Variants in SOX5 observed in about 807,000 individuals in gnomAD.
The protein encoded by SOX5 is SRY-box transcription factor 5.
Under a neutral mutation model 92.0 loss-of-function variants are expected in SOX5, and 9 were observed. That is an observed-to-expected ratio of 0.10 (90% CI 0.06 to 0.17). SOX5 has a LOEUF of 0.17. Ranked by LOEUF, SOX5 falls within the 10% of genes least tolerant of loss-of-function variation. SOX5 has a pLI of 1.00. For missense variants in SOX5, 642 were observed against 944.5 expected, an observed-to-expected ratio of 0.68 and a Z score of 4.20; for synonymous variants, 344 against 336.3, an observed-to-expected ratio of 1.02 and a Z score of -0.25.
At position 23,532,282 on chromosome 12, in the gene SOX5, TGAGA is replaced by T. The variant is rs906052856; in HGVS notation, c.*1933_*1936del. 1 of 151,982 alleles carries T rather than the reference TGAGA, an allele frequency of 6.6e-6. No individual in the cohort carries two copies. Among genetic ancestry groups the T allele is most frequent in the Non-Finnish European group, 1.5e-5 (1 of 67,986 alleles). The allele number at this position is 151,982 out of a possible 1,614,324, so 9.4% of individuals were successfully genotyped here. A position where few individuals can be genotyped will look rare whatever the true frequency, so the allele number is the denominator to read the frequency against. On this transcript the variant is annotated 3_prime_UTR_variant, in exon 15 of 15. Transcript: ENST00000451604. ...AAGCAAAACCCCAGAGCAAGTCTTC[TGAGA>T]GAGAGAAAAATAAAAGGGATTCTTT...
chr12:23,755,663 T>A lies in SOX5; in HGVS notation c.543A>T (p.Gly181=). Residue 181 remains glycine (G), a synonymous_variant, in exon 4 of 15, where the codon GGA becomes GGT. Transcript: ENST00000451604. ...CTTTTATTTCGCCAAAGTTCCCCGA[T>A]CCCATTGCAAGAAGCTTGTCTTTCC... ...KDWKDKLLAM[G]SGNFGEIKGT... is the part of the protein sequence containing the mutation. 1 of 1,592,002 alleles carries A rather than the reference T, an allele frequency of 6.3e-7. No individual in the cohort carries two copies. Among genetic ancestry groups the A allele is most frequent in the Non-Finnish European group, 8.5e-7 (1 of 1,170,156 alleles).
chr12:23,991,964 A>T (rs894438003), intron 4 of SOX5, among the ~76,000 whole-genome samples: 1 of 152,124 alleles, frequency 6.6e-6, no homozygotes, highest in African/African-American at 2.4e-5. Flanking sequence ...AGCAATATGA[A>T]ATCTTATACT....
intron 4 of SOX5, among the ~76,000 whole-genome samples, chr12:24,138,470 G>A (rs965999968): frequency 2.6e-5 from 4 of 152,198 alleles, no homozygotes; most frequent in Non-Finnish European, 4.4e-5. Context: ...TGCTAACATA[G>A]CCAGTGGTGT....
At chr12:23,597,227 G>A (rs2137291642) in intron 9 of SOX5, among the ~76,000 whole-genome samples, 1 of 152,322 alleles carries the variant, frequency 6.6e-6, no homozygotes, top group Non-Finnish European at 1.5e-5. Flanking sequence ...GCCCAGGCTG[G>A]TAAAATTCAA....
chr12:23,929,020 G>T (rs1193269551), intron 1 of SOX5, among the ~76,000 whole-genome samples: 1 of 150,920 alleles, frequency 6.6e-6, no homozygotes, highest in African/African-American at 2.4e-5. Context: ...TGCTCTGGTA[G>T]TGTTTTTTTA....
intron 2 of SOX5, among the ~76,000 whole-genome samples, chr12:24,352,122 G>A (rs1379102760): frequency 1.3e-5 from 2 of 152,176 alleles, no homozygotes; most frequent in Non-Finnish European, 2.9e-5. Flanking sequence ...ATTTTGAGGA[G>A]TATGAGATTT....
intron 1 of SOX5, among the ~76,000 whole-genome samples, chr12:24,400,092 G>C (rs1414287010): frequency 6.6e-6 from 1 of 152,120 alleles, no homozygotes; most frequent in African/African-American, 2.4e-5. Context: ...CCATAATTCA[G>C]CATATTCATG....
At chr12:24,230,264 G>C (rs902849272) in intron 3 of SOX5, among the ~76,000 whole-genome samples, 2 of 152,022 alleles carry the variant, frequency 1.3e-5, no homozygotes, top group Admixed American at 1.3e-4. Context: ...AAGACTTCCC[G>C]TCATTAGCTG....
At chr12:24,457,056 G>A (rs182641735) in intron 1 of SOX5, among the ~76,000 whole-genome samples, 3 of 152,208 alleles carry the variant, frequency 2.0e-5, no homozygotes, top group African/African-American at 7.2e-5. Flanking sequence ...ATGTCAGATA[G>A]GAAGCAAAAG....
chr12:23,598,387 CTTTTTTTTTT>C (rs201719026), intron 9 of SOX5, among the ~76,000 whole-genome samples: 308 of 95,166 alleles, frequency 3.2e-3, no homozygotes, highest in African/African-American at 0.013. Flanking sequence ...TGTGCTTTAT[CTTTTTTTTTT>C]TTTTTTTTTT....
intron 1 of SOX5, among the ~76,000 whole-genome samples, chr12:24,400,387 AT>A (rs34678607): frequency 0.67 from 101,890 of 152,130 alleles, 34,756 homozygotes; most frequent in African/African-American, 0.74. Context: ...TTTATAATAA[AT>A]TATTTCAAGA....
intron 1 of SOX5, among the ~76,000 whole-genome samples, chr12:23,900,251 A>G (rs761436818): frequency 1.3e-5 from 2 of 152,180 alleles, no homozygotes; most frequent in African/African-American, 2.4e-5. Context: ...GTAAAAAGCA[A>G]CTTGCTTTTA....
chr12:23,922,106 C>T (rs985236423), intron 1 of SOX5, among the ~76,000 whole-genome samples: 2 of 152,170 alleles, frequency 1.3e-5, no homozygotes, highest in Non-Finnish European at 2.9e-5. Flanking sequence ...AGGAATAATA[C>T]TATAAACCAG....
At chr12:23,990,267 T>C (rs188733290) in intron 4 of SOX5, among the ~76,000 whole-genome samples, 1 of 152,264 alleles carries the variant, frequency 6.6e-6, no homozygotes, top group East Asian at 1.9e-4. Flanking sequence ...AGATGAAAAA[T>C]GGATCACAGA....
intron 4 of SOX5, among the ~76,000 whole-genome samples, chr12:24,157,617 C>CATTGTATTTCAATAAGTCAATGTAT (rs1373260128): frequency 7.2e-5 from 11 of 152,062 alleles, no homozygotes; most frequent in Non-Finnish European, 1.6e-4. Flanking sequence ...GGTCAATGTA[C>CATTGTATTTCAATAAGTCAATGTAT]TCTGAATTTC....
chr12:24,106,663 G>A (rs1221512994), intron 4 of SOX5, among the ~76,000 whole-genome samples: 1 of 151,752 alleles, frequency 6.6e-6, no homozygotes, highest in Non-Finnish European at 1.5e-5. Flanking sequence ...ATGGTGGTGA[G>A]TGCCTCTAAT....
Position 23,920,475 on chromosome 12 carries a change from C to T in SOX5, c.39-24451G>A, listed in dbSNP as rs532484463. On this transcript the variant is annotated intron_variant, in intron 1 of 14. Transcript: ENST00000451604. ...CAAAATTCCCAGCATGGACTACTGG[C>T]ACTTCTGCTTCTTTTATCTTATTTC... is the stretch of plus-strand genomic sequence containing the variant. 3.3e-5 allele frequency: 5 copies of T among 152,270 alleles called. No homozygotes were observed. The East Asian group carries it at 9.6e-4, about 29-fold the overall frequency. 9.4% of individuals were successfully genotyped at this position (152,270 alleles called of 1,614,324 possible).
intron 1 of SOX5, among the ~76,000 whole-genome samples, chr12:24,447,474 A>C (rs1941653871): frequency 6.6e-6 from 1 of 152,228 alleles, no homozygotes; most frequent in Admixed American, 6.5e-5. Flanking sequence ...GAGACATGAC[A>C]ACTAAAAGTA....
intron 1 of SOX5, among the ~76,000 whole-genome samples, chr12:24,472,363 T>C (rs1000881801): frequency 6.6e-6 from 1 of 152,206 alleles, no homozygotes; most frequent in Non-Finnish European, 1.5e-5. Flanking sequence ...TACCTCAGTG[T>C]GTAATGTGAT....
Sources: gnomAD v4.1 joint callset for allele counts (sites outside exome capture counted in the v4.1 genomes callset) on GRCh38, gnomAD v4.1.1 for gene constraint, MANE v1.5 for transcripts, NCBI Gene and HGNC (gene_info 2026-07-23, HGNC 2026-07-21) for gene names.